Variants in WWOX observed in about 807,000 individuals in gnomAD.
WWOX encodes WW domain-containing oxidoreductase.
In WWOX, 69 loss-of-function variants were observed where a neutral mutation model predicts 46.2. The ratio of observed to expected loss-of-function variants is 1.49; its 90% CI spans 1.23 to 1.82. WWOX has a LOEUF of 1.82. Among genes scored for constraint, WWOX ranks in the 40% most tolerant of loss-of-function variants. WWOX has a pLI of 0.00. For missense variants in WWOX, 919 were observed against 542.6 expected (o/e 1.69, Z -6.89); for synonymous variants, 359 against 202.6 (o/e 1.77, Z -6.56).
chr16:78,772,245 T>C (rs907021229), intron 8 of WWOX, among the ~76,000 whole-genome samples: 6 of 152,212 alleles, frequency 3.9e-5, no homozygotes, highest in Non-Finnish European at 7.3e-5. Context: ...CTTTGTGTCC[T>C]TGAGTTTTCA....
chr16:78,724,030 C>T (rs867907984), intron 8 of WWOX, among the ~76,000 whole-genome samples: 1 of 152,142 alleles, frequency 6.6e-6, no homozygotes, highest in East Asian at 1.9e-4. Context: ...CATAGGACTA[C>T]ATGTTTTCTG....
At chr16:78,321,621 G>T (rs1475022827) in intron 5 of WWOX, among the ~76,000 whole-genome samples, 3 of 151,986 alleles carry the variant, frequency 2.0e-5, no homozygotes, top group Admixed American at 6.6e-5. Context: ...TTGAATTTAT[G>T]TATTATCTTA....
intron 8 of WWOX, among the ~76,000 whole-genome samples, chr16:78,466,248 G>A (rs2084074860): frequency 6.6e-6 from 1 of 151,972 alleles, no homozygotes; most frequent in African/African-American, 2.4e-5. Flanking sequence ...ACCCAGGATG[G>A]TCTCGATCTC....
chr16:78,465,242 G>A (rs1406148617), intron 8 of WWOX, among the ~76,000 whole-genome samples: 3 of 152,190 alleles, frequency 2.0e-5, no homozygotes, highest in Non-Finnish European at 4.4e-5. Context: ...CTATTTCTAA[G>A]GCAGATGAAT....
chr16:78,603,601 G>A (rs1191064053), intron 8 of WWOX, among the ~76,000 whole-genome samples: 1 of 152,114 alleles, frequency 6.6e-6, no homozygotes, highest in Non-Finnish European at 1.5e-5. Flanking sequence ...GACTGAGGCA[G>A]GAGAATCGCT....
chr16:78,747,355 C>G (rs1377113972), intron 8 of WWOX, among the ~76,000 whole-genome samples: 1 of 151,920 alleles, frequency 6.6e-6, no homozygotes, highest in African/African-American at 2.4e-5. Flanking sequence ...CCACACCTGT[C>G]TAATTTCTTA....
intron 8 of WWOX, among the ~76,000 whole-genome samples, chr16:78,666,210 C>A (rs1597415648): frequency 6.6e-6 from 1 of 151,974 alleles, no homozygotes; most frequent in Non-Finnish European, 1.5e-5. Context: ...TTGTTGGAGC[C>A]CGGGAGGTCA....
chr16:79,163,372 G>A (rs1210111787), intron 8 of WWOX, among the ~76,000 whole-genome samples: 1 of 152,210 alleles, frequency 6.6e-6, no homozygotes, highest in Non-Finnish European at 1.5e-5. Context: ...CTGAGCCTCA[G>A]TTTAGTAGAA....
At chr16:78,118,210 T>C (rs1381903215) in intron 4 of WWOX, among the ~76,000 whole-genome samples, 1 of 151,924 alleles carries the variant, frequency 6.6e-6, no homozygotes, top group Non-Finnish European at 1.5e-5. Context: ...CTTGTCATCA[T>C]TTTCCTCTCT....
At chr16:79,036,310 G>T (rs2047865303) in intron 8 of WWOX, among the ~76,000 whole-genome samples, 2 of 152,118 alleles carry the variant, frequency 1.3e-5, no homozygotes, top group South Asian at 2.1e-4. Flanking sequence ...ACCTCTTTTG[G>T]CTGAAAAATC....
At chr16:78,391,432 G>A (rs1298641300) in intron 6 of WWOX, among the ~76,000 whole-genome samples, 2 of 152,200 alleles carry the variant, frequency 1.3e-5, no homozygotes, top group Non-Finnish European at 2.9e-5. Context: ...ACTTGAGCAA[G>A]TAGGAGATCC....
chr16:79,141,557 C>T (rs1347966848), intron 8 of WWOX, among the ~76,000 whole-genome samples: 1 of 152,212 alleles, frequency 6.6e-6, no homozygotes, highest in Non-Finnish European at 1.5e-5. Flanking sequence ...GTTTTACCAG[C>T]TCTTTGGCTT....
chr16:79,060,046 C>G (rs1383897730), intron 8 of WWOX, among the ~76,000 whole-genome samples: 2 of 152,232 alleles, frequency 1.3e-5, no homozygotes, highest in East Asian at 1.9e-4. Context: ...ATAACTGAAA[C>G]CAAATTAGCT....
chr16:78,862,034 CAT>C (rs778155703), intron 8 of WWOX, among the ~76,000 whole-genome samples: 224 of 148,494 alleles, frequency 1.5e-3, no homozygotes, highest in Non-Finnish European at 2.5e-3. Flanking sequence ...TAGATACACA[CAT>C]GTATCTATTA....
chr16:79,208,167 C>A (rs1225590182), intron 8 of WWOX, among the ~76,000 whole-genome samples: 1 of 152,174 alleles, frequency 6.6e-6, no homozygotes, highest in Non-Finnish European at 1.5e-5. Flanking sequence ...AGATTGATTG[C>A]ACAGTTCTCC....
At chr16:78,499,878 C>G (rs1486650981) in intron 8 of WWOX, among the ~76,000 whole-genome samples, 1 of 152,144 alleles carries the variant, frequency 6.6e-6, no homozygotes, top group Non-Finnish European at 1.5e-5. Context: ...TACATTCCGT[C>G]TTTAATGTGC....
At chr16:78,293,978 G>GAAAAAACAAAAA (rs2079900561) in intron 5 of WWOX, among the ~76,000 whole-genome samples, 1 of 30,312 alleles carries the variant, frequency 3.3e-5, no homozygotes, top group African/African-American at 1.0e-4. Context: ...CTCTGTCTCA[G>GAAAAAACAAAAA]AAAAAAAAAA....
At chr16:78,389,647 T>G (rs2082137383) in intron 6 of WWOX, among the ~76,000 whole-genome samples, 1 of 152,176 alleles carries the variant, frequency 6.6e-6, no homozygotes, top group African/African-American at 2.4e-5. Flanking sequence ...CTAGAGAGGA[T>G]ATATAATTTA....
intron 6 of WWOX, among the ~76,000 whole-genome samples, chr16:78,413,425 G>C (rs772036206): frequency 2.0e-5 from 3 of 152,150 alleles, no homozygotes; most frequent in Admixed American, 2.0e-4. Context: ...TGGCATAGGC[G>C]GTAGAGTTAG....
Sources: allele counts gnomAD v4.1 joint callset (sites outside exome capture counted in the v4.1 genomes callset), GRCh38; gene constraint gnomAD v4.1.1; transcripts MANE v1.5; gene names NCBI Gene and HGNC (gene_info 2026-07-23, HGNC 2026-07-21).